Variants in PUS10 observed in about 807,000 individuals in gnomAD.
PUS10 encodes the protein pseudouridine synthase 10, also known as tRNA pseudouridine synthase Pus10.
Under a neutral mutation model 75.0 loss-of-function variants are expected in PUS10, and 59 were observed. The ratio of observed to expected loss-of-function variants is 0.79; its 90% CI spans 0.64 to 0.98. The LOEUF (loss-of-function observed/expected upper bound fraction) is 0.98, where lower values mean the gene tolerates loss of function less well. Among genes scored for constraint, PUS10 ranks in the 50% least tolerant of loss-of-function variants. The pLI is 0.00. For synonymous variants in PUS10, 219 were observed against 211.6 expected, an observed-to-expected ratio of 1.03 and a Z score of -0.30; for missense variants, 650 against 614.4, an observed-to-expected ratio of 1.06 and a Z score of -0.61.
chr2:61,007,283 G>T (rs999899477), intron 3 of PUS10, among the ~76,000 whole-genome samples: 1 of 151,384 alleles, frequency 6.6e-6, no homozygotes, highest in East Asian at 1.9e-4. Context: ...TGAAATGAAC[G>T]GCAGTGTTCC....
At chr2:60,978,068 T>C (rs138118418) in intron 4 of PUS10, among the ~76,000 whole-genome samples, 36 of 152,242 alleles carry the variant, frequency 2.4e-4, no homozygotes, top group African/African-American at 8.4e-4. Flanking sequence ...TAAAGGATCC[T>C]CGGCTCAGTC....
intron 4 of PUS10, among the ~76,000 whole-genome samples, chr2:60,981,057 A>AT (rs1252767108): frequency 6.6e-6 from 1 of 151,724 alleles, no homozygotes; most frequent in African/African-American, 2.4e-5. Context: ...TGCCTGGCTA[A>AT]TTTTTGTATT....
chr2:60,971,429 C>A, intron 5 of PUS10, 94 bp downstream of exon 5: 1 of 1,095,898 alleles, frequency 9.1e-7, no homozygotes, highest in Non-Finnish European at 1.4e-6. Flanking sequence ...AGTGAATGCA[C>A]TATAAAAATA....
Position 60,965,450 on chromosome 2 carries a change from G to A in PUS10, c.650C>T (p.Pro217Leu), listed in dbSNP as rs759172467. The A allele has an allele frequency of 1.2e-6, 2 of 1,611,356 alleles. No individual in the cohort carries two copies. The highest frequency in any genetic ancestry group is 2.2e-5 in the South Asian group (2 of 90,622). The change falls in exon 7 of 18, where the codon CCA becomes CTA. Residue 217 changes from proline to leucine, a missense_variant. Pro to Leu is a moderately conservative substitution (Grantham distance 98, BLOSUM62 -3). Coordinates refer to ENST00000316752, the MANE Select transcript of PUS10 (RefSeq NM_144709.4). ...GAAGTGGCAATCCTCAACTGTTTCTGGGTGAGCAAAGACCACACTCACTTC... is the reference window on the plus strand; with the variant it reads ...GAAGTGGCAATCCTCAACTGTTTCTAGGTGAGCAAAGACCACACTCACTTC... The part of the protein sequence containing the change: ...LFEVSVVFAH[P>L]ETVEDCHFLA...
At chr2:60,991,733 G>T (rs1477835186) in intron 4 of PUS10, among the ~76,000 whole-genome samples, 1 of 152,196 alleles carries the variant, frequency 6.6e-6, no homozygotes, top group Non-Finnish European at 1.5e-5. Context: ...TGAGGGGGTA[G>T]AATTCAAACA....
At chr2:61,017,794 G>T in intron 1 of PUS10, 1 of 1,550,458 alleles carries the variant, frequency 6.4e-7, no homozygotes, top group South Asian at 1.2e-5. Flanking sequence ...CCCAAACCCT[G>T]GGAGACCCGC....
At chr2:60,973,765 G>A (rs1676845706) in intron 4 of PUS10, among the ~76,000 whole-genome samples, 1 of 152,236 alleles carries the variant, frequency 6.6e-6, no homozygotes, top group African/African-American at 2.4e-5. Context: ...GCCAGTCCCC[G>A]GGACAGGAGT....
At chr2:60,944,251 A>G in intron 17 of PUS10, 3 of 983,790 alleles carry the variant, frequency 3.0e-6, no homozygotes, top group Non-Finnish European at 3.6e-6. Context: ...GTACTGCAGG[A>G]GCTAATCTAA....
intron 6 of PUS10, chr2:60,965,703 C>A: frequency 5.6e-6 from 2 of 359,818 alleles, no homozygotes; most frequent in Non-Finnish European, 5.0e-6. Context: ...CATTAGTGAT[C>A]CTACCAAAAA....
chr2:60,945,194 C>T lies in PUS10; in HGVS notation c.1452-86G>A, dbSNP rs149911072. ...TGACAGGCAAAAATAATAATAAGAG[C>T]AGAAATGTTACAAAAGAAAGGTTAC... On this transcript the variant is annotated intron_variant, in intron 16 of 17. Coordinates refer to ENST00000316752, the MANE Select transcript of PUS10 (RefSeq NM_144709.4). The T allele has an allele frequency of 4.1e-4, 340 of 827,672 alleles. 1 individual carries two copies. The East Asian group carries it at 8.2e-3, about 20-fold the overall frequency. The allele number at this position is 827,672 out of a possible 1,614,324, so 51.3% of individuals were successfully genotyped here.
intron 4 of PUS10, among the ~76,000 whole-genome samples, chr2:60,972,387 G>A (rs1334730882): frequency 6.6e-6 from 1 of 151,592 alleles, no homozygotes; most frequent in Non-Finnish European, 1.5e-5. Context: ...GGATAATGGC[G>A]TGAACCCGGG....
At chr2:60,962,679 C>T (rs1376717913) in intron 9 of PUS10, 147 bp downstream of exon 9, 1 of 1,334,070 alleles carries the variant, frequency 7.5e-7, no homozygotes, top group South Asian at 1.6e-5. Context: ...AGGTACTGCA[C>T]CATGGGTTGG....
chr2:60,944,324 A>G (rs1674807228), intron 17 of PUS10: 1 of 647,534 alleles, frequency 1.5e-6, no homozygotes, highest in Admixed American at 6.3e-5. Flanking sequence ...TTTGATTACC[A>G]TAGATGTTTT....
At chr2:60,950,785 G>A (rs151246525) in intron 15 of PUS10, among the ~76,000 whole-genome samples, 3 of 152,110 alleles carry the variant, frequency 2.0e-5, no homozygotes, top group East Asian at 1.9e-4. Flanking sequence ...ATTGAGGGAC[G>A]CTGATTTTGT....
chr2:60,969,362 T>C (rs752891136), intron 5 of PUS10, among the ~76,000 whole-genome samples: 14 of 152,220 alleles, frequency 9.2e-5, no homozygotes, highest in Non-Finnish European at 1.8e-4. Context: ...ATGCAGCTAA[T>C]AAGTTTCCTA....
At chr2:60,988,834 G>GT (rs1177135391) in intron 4 of PUS10, among the ~76,000 whole-genome samples, 1 of 150,260 alleles carries the variant, frequency 6.7e-6, no homozygotes, top group Non-Finnish European at 1.5e-5. Context: ...TAGAGACGGG[G>GT]TTTTGCCAGG....
chr2:60,996,077 T>C (rs977729865), intron 4 of PUS10, among the ~76,000 whole-genome samples: 1 of 152,228 alleles, frequency 6.6e-6, no homozygotes, highest in Non-Finnish European at 1.5e-5. Context: ...TGGTGGTCTT[T>C]AGAATTAGGC....
At chr2:60,951,466 AG>A (rs1675332827) in intron 15 of PUS10, among the ~76,000 whole-genome samples, 1 of 152,218 alleles carries the variant, frequency 6.6e-6, no homozygotes, top group Admixed American at 6.5e-5. Flanking sequence ...CTGCAACTAG[AG>A]GGTCCAATCT....
At chr2:60,976,804 G>C (rs1322606177) in intron 4 of PUS10, among the ~76,000 whole-genome samples, 1 of 152,098 alleles carries the variant, frequency 6.6e-6, no homozygotes, top group Non-Finnish European at 1.5e-5. Context: ...GGAAAAAGAA[G>C]TATATTTCTC....
Sources: allele counts gnomAD v4.1 joint callset (sites outside exome capture counted in the v4.1 genomes callset), GRCh38; gene constraint gnomAD v4.1.1; transcripts MANE v1.5; gene names NCBI Gene and HGNC (gene_info 2026-07-23, HGNC 2026-07-21).